Variants in SPATS2 observed in about 807,000 individuals in gnomAD.
SPATS2 encodes the protein spermatogenesis-associated serine-rich protein 2.
SPATS2 carries 38 observed loss-of-function variants against 63.7 expected under a neutral mutation model. That is an observed-to-expected ratio of 0.60 (90% CI 0.46 to 0.78). SPATS2 has a LOEUF of 0.78. SPATS2 is among the 30% of genes least tolerant of loss of function. SPATS2 has a pLI of 0.00. For synonymous variants in SPATS2, 207 were observed against 232.9 expected, an observed-to-expected ratio of 0.89 and a Z score of 1.01; for missense variants, 588 against 666.2, an observed-to-expected ratio of 0.88 and a Z score of 1.29.
chr12:49,413,669 T>C (rs1283663388), intron 2 of SPATS2, among the ~76,000 whole-genome samples: 2 of 152,134 alleles, frequency 1.3e-5, no homozygotes, highest in Admixed American at 1.3e-4. Flanking sequence ...AGGTTTGAGG[T>C]CCAGGATCTT....
chr12:49,523,115 G>A (rs1435635366), intron 12 of SPATS2, among the ~76,000 whole-genome samples: 1 of 152,042 alleles, frequency 6.6e-6, no homozygotes, highest in East Asian at 1.9e-4. Flanking sequence ...AAGAGCATGG[G>A]GCCCTACAGT....
chr12:49,442,292 C>T (rs1475467698), intron 2 of SPATS2: 11 of 152,448 alleles, frequency 7.2e-5, no homozygotes, highest in Non-Finnish European at 1.5e-4. Context: ...GGATTCCCTC[C>T]TTCTAAAATG....
intron 2 of SPATS2, among the ~76,000 whole-genome samples, chr12:49,431,361 G>A (rs1945182444): frequency 6.6e-6 from 1 of 151,794 alleles, no homozygotes; most frequent in Non-Finnish European, 1.5e-5. Flanking sequence ...TGATTCTCCT[G>A]CCCTGGCCTC....
chr12:49,434,334 CA>C (rs1487109265), intron 2 of SPATS2, among the ~76,000 whole-genome samples: 6 of 151,964 alleles, frequency 3.9e-5, no homozygotes, highest in African/African-American at 1.5e-4. Flanking sequence ...ATGTTGATGC[CA>C]AATTACTGGT....
At chr12:49,369,715 A>G (rs1173426051) in intron 1 of SPATS2, among the ~76,000 whole-genome samples, 1 of 152,190 alleles carries the variant, frequency 6.6e-6, no homozygotes, top group Non-Finnish European at 1.5e-5. Context: ...ATCCTGATAA[A>G]TAGGGCTAAA....
chr12:49,427,358 A>G (rs1186120001), intron 2 of SPATS2, among the ~76,000 whole-genome samples: 8 of 152,252 alleles, frequency 5.3e-5, no homozygotes, highest in African/African-American at 1.9e-4. Flanking sequence ...ATTAATCCAT[A>G]TCATTGCATA....
At chr12:49,480,791 TTC>T in intron 3 of SPATS2, among the ~76,000 whole-genome samples, 1 of 149,490 alleles carries the variant, frequency 6.7e-6, no homozygotes, top group East Asian at 1.9e-4. Context: ...ACTTGTTGTT[TTC>T]TGTTTTTTTT....
chr12:49,465,863 G>A (rs576612181), intron 3 of SPATS2, among the ~76,000 whole-genome samples: 2 of 152,172 alleles, frequency 1.3e-5, no homozygotes, highest in East Asian at 3.9e-4. Context: ...AGAATCACTT[G>A]AACCCGGGAG....
intron 8 of SPATS2, 140 bp downstream of exon 8, chr12:49,497,149 T>A: frequency 1.3e-6 from 1 of 798,734 alleles, no homozygotes; most frequent in Non-Finnish European, 1.9e-6. Flanking sequence ...AGTGACTGAC[T>A]ACTCAGCCCT....
Position 49,468,076 on chromosome 12 carries a change from C to T in SPATS2, c.25+7039C>T, listed in dbSNP as rs537290259. Among the ~76,000 whole-genome samples the T allele has an allele frequency of 6.0e-5, 9 of 150,800 alleles. No individual in the cohort carries two copies. In the South Asian group the frequency reaches 1.9e-3, roughly 32 times the overall value. ...TTCTTTTCTTTTTCTCTTTTCTTTT[C>T]TCTCTTCTCTTCTCCTTTTCCTTCT... On this transcript the variant is annotated intron_variant, in intron 3 of 13. Coordinates refer to ENST00000552918, the MANE Select transcript of SPATS2 (RefSeq NM_023071.4).
At chr12:49,383,022 A>G (rs957040256) in intron 2 of SPATS2, among the ~76,000 whole-genome samples, 2 of 147,274 alleles carry the variant, frequency 1.4e-5, no homozygotes, top group African/African-American at 5.0e-5. Context: ...TTTTATTATT[A>G]TTATTATTAT....
At chr12:49,441,899 A>T (rs1231922937) in intron 2 of SPATS2, 7 of 152,206 alleles carry the variant, frequency 4.6e-5, no homozygotes, top group Non-Finnish European at 1.0e-4. Context: ...TAACAAAATT[A>T]CTAGGAAAAC....
In SPATS2 at chr12:49,482,858, G is replaced by A. The variant is rs60658484; in HGVS notation, c.26-1732G>A. ...AGCTGGAATGCAGTGGTGCATTCACGACTCATTGCAGCCTCAACCTGCCAG... is the reference window on the plus strand; with the variant it reads ...AGCTGGAATGCAGTGGTGCATTCACAACTCATTGCAGCCTCAACCTGCCAG... On this transcript the variant is annotated intron_variant, in intron 3 of 13. Transcript: ENST00000552918. Among the ~76,000 whole-genome samples the A allele has an allele frequency of 7.3e-3, 1,112 of 151,916 alleles. 10 individuals are homozygous for A. The highest frequency in any genetic ancestry group is 0.025 in the African/African-American group (1,046 of 41,396).
chr12:49,404,256 A>C (rs550223393), intron 2 of SPATS2, among the ~76,000 whole-genome samples: 29 of 150,226 alleles, frequency 1.9e-4, no homozygotes, highest in Admixed American at 1.1e-3. Context: ...GAAAGAGTAC[A>C]GGTTCTAGAG....
intron 2 of SPATS2, among the ~76,000 whole-genome samples, chr12:49,457,759 C>G (rs1405310241): frequency 6.6e-6 from 1 of 152,096 alleles, no homozygotes. Flanking sequence ...AACCTGAGGA[C>G]ATGTGCTGTT....
At chr12:49,470,619 A>G (rs1378308456) in intron 3 of SPATS2, among the ~76,000 whole-genome samples, 1 of 152,160 alleles carries the variant, frequency 6.6e-6, no homozygotes, top group Non-Finnish European at 1.5e-5. Context: ...CTTCTCATGT[A>G]CCTTCTGGTT....
intron 9 of SPATS2, 50 bp downstream of exon 9, chr12:49,500,255 A>G: frequency 6.5e-7 from 1 of 1,548,336 alleles, no homozygotes; most frequent in Non-Finnish European, 8.7e-7. Flanking sequence ...ATCATATATA[A>G]ATATAAAGAT....
intron 9 of SPATS2, chr12:49,512,788 A>G: frequency 9.2e-7 from 1 of 1,092,716 alleles, no homozygotes; most frequent in Non-Finnish European, 1.2e-6. Context: ...GTGATTTGGC[A>G]ACATAAGAGA....
At chr12:49,448,058 T>C (rs1324088792) in intron 2 of SPATS2, among the ~76,000 whole-genome samples, 1 of 151,802 alleles carries the variant, frequency 6.6e-6, no homozygotes, top group African/African-American at 2.4e-5. Flanking sequence ...TGAAGACCTT[T>C]CTTCTTTTCT....
Sources: allele counts gnomAD v4.1 joint callset (sites outside exome capture counted in the v4.1 genomes callset), GRCh38; gene constraint gnomAD v4.1.1; transcripts MANE v1.5; gene names NCBI Gene and HGNC (gene_info 2026-07-23, HGNC 2026-07-21).